Variants in ANKS1B observed in about 807,000 individuals in gnomAD.
ANKS1B encodes ankyrin repeat and sterile alpha motif domain-containing protein 1B.
A neutral mutation model predicts 148.3 loss-of-function variants in ANKS1B; 36 were observed. The observed-to-expected ratio is 0.24, with a 90% CI of 0.19 to 0.32. ANKS1B has a LOEUF of 0.32. Ranked by LOEUF, ANKS1B falls within the 10% of genes least tolerant of loss-of-function variation. ANKS1B has a pLI of 1.00. For missense variants in ANKS1B, 1,157 were observed against 1,542.6 expected, an observed-to-expected ratio of 0.75 and a Z score of 4.19; for synonymous variants, 542 against 560.8, an observed-to-expected ratio of 0.97 and a Z score of 0.47.
chr12:99,143,065 A>G (rs1218736222), intron 15 of ANKS1B, among the ~76,000 whole-genome samples: 1 of 152,150 alleles, frequency 6.6e-6, no homozygotes, highest in Non-Finnish European at 1.5e-5. Flanking sequence ...CTCAGATTTC[A>G]AGATCTCCCT....
chr12:98,752,384 G>C (rs1056875672), intron 25 of ANKS1B, among the ~76,000 whole-genome samples: 12 of 151,712 alleles, frequency 7.9e-5, no homozygotes, highest in African/African-American at 2.7e-4. Context: ...TCAGCCTCCC[G>C]AGTAGCTGGG....
intron 25 of ANKS1B, among the ~76,000 whole-genome samples, chr12:98,766,827 T>G (rs1331205510): frequency 6.6e-6 from 1 of 152,166 alleles, no homozygotes; most frequent in Non-Finnish European, 1.5e-5. Flanking sequence ...TCTTTCCTTT[T>G]TTTTTGAGAC....
At chr12:99,130,844 A>C (rs549071677) in intron 15 of ANKS1B, among the ~76,000 whole-genome samples, 91 of 152,254 alleles carry the variant, frequency 6.0e-4, no homozygotes, top group African/African-American at 2.0e-3. Flanking sequence ...TTGTGTCTTC[A>C]TGCCCCTTGG....
intron 1 of ANKS1B, among the ~76,000 whole-genome samples, chr12:99,864,398 G>C (rs1271598316): frequency 6.6e-6 from 1 of 152,102 alleles, no homozygotes; most frequent in Non-Finnish European, 1.5e-5. Flanking sequence ...TTTTCAAAAT[G>C]ATCTCACACA....
chr12:99,548,823 A>G (rs1436109614), intron 9 of ANKS1B, among the ~76,000 whole-genome samples: 1 of 152,196 alleles, frequency 6.6e-6, no homozygotes, highest in Non-Finnish European at 1.5e-5. Context: ...ACAGACATTC[A>G]GTCATTAGAA....
chr12:98,924,284 A>T (rs2099805193), intron 17 of ANKS1B, among the ~76,000 whole-genome samples: 1 of 152,204 alleles, frequency 6.6e-6, no homozygotes, highest in Non-Finnish European at 1.5e-5. Flanking sequence ...ATTACCAGAG[A>T]ATAGACTTCC....
chr12:99,808,422 A>C (rs1025936123), intron 3 of ANKS1B, among the ~76,000 whole-genome samples: 2 of 152,120 alleles, frequency 1.3e-5, no homozygotes, highest in African/African-American at 4.8e-5. Context: ...AGAGCATTTG[A>C]AGGTCAAACC....
At position 99,737,595 on chromosome 12, in the gene ANKS1B, C is replaced by T. The variant is rs181182634; in HGVS notation, c.1128+35327G>A. Among the ~76,000 whole-genome samples, 688 of 152,116 alleles carry T rather than the reference C, an allele frequency of 4.5e-3. 14 individuals are homozygous for T. Among genetic ancestry groups the T allele is most frequent in the Admixed American group, 0.039 (596 of 15,266 alleles). On this transcript the variant is annotated intron_variant, in intron 8 of 26. Transcript: ENST00000683438. ...TTATCCATTGCCTAGAGGATAAGGA[C>T]AAAATGTATTATTGGGAATAAAAGG...
intron 17 of ANKS1B, among the ~76,000 whole-genome samples, chr12:98,896,514 G>T (rs187728832): frequency 1.3e-5 from 2 of 152,256 alleles, no homozygotes; most frequent in East Asian, 3.9e-4. Flanking sequence ...AACTCTAAAT[G>T]CCCTCTGTTT....
chr12:99,917,813 C>T (rs1019327450), intron 1 of ANKS1B, among the ~76,000 whole-genome samples: 3 of 152,220 alleles, frequency 2.0e-5, no homozygotes, highest in African/African-American at 4.8e-5. Context: ...TCCTCTTAAA[C>T]AGAGGTCCCC....
Position 99,984,553 on chromosome 12 carries a change from A to T in ANKS1B, c.-316T>A. The T allele has an allele frequency of 3.8e-6, 1 of 264,410 alleles. No homozygotes were observed. Among genetic ancestry groups the T allele is most frequent in the East Asian group, 6.9e-5 (1 of 14,484 alleles). 16.4% of individuals were successfully genotyped at this position (264,410 alleles called of 1,614,324 possible). On this transcript the variant is annotated 5_prime_UTR_variant, in exon 1 of 27. Transcript: ENST00000683438. The stretch of plus-strand genomic sequence containing the variant: ...GCGGGTGCGGCGTGAGGGGGTGGGG[A>T]CTCGGGGGTGCTTTTGAGGAGCGGG...
intron 14 of ANKS1B, among the ~76,000 whole-genome samples, chr12:99,214,725 G>A (rs368511221): frequency 2.7e-3 from 406 of 152,282 alleles, no homozygotes; most frequent in South Asian, 4.8e-3. Flanking sequence ...CTAAAAATGT[G>A]GAAGACACTT....
chr12:99,980,028 A>T (rs2095676247), intron 1 of ANKS1B, among the ~76,000 whole-genome samples: 1 of 152,002 alleles, frequency 6.6e-6, no homozygotes, highest in Non-Finnish European at 1.5e-5. Context: ...GAAAAAAAAG[A>T]GTCAAAAAGA....
At chr12:99,946,248 A>T (rs1254876943) in intron 1 of ANKS1B, among the ~76,000 whole-genome samples, 1 of 152,148 alleles carries the variant, frequency 6.6e-6, no homozygotes, top group Non-Finnish European at 1.5e-5. Flanking sequence ...TTTTGCCCCA[A>T]TTCTCCATTC....
At position 98,925,580 on chromosome 12, in the gene ANKS1B, GA is replaced by G. The variant is rs1338031793; in HGVS notation, c.2779-93445del. Among the ~76,000 whole-genome samples, 5 of 152,294 alleles carry G rather than the reference GA, an allele frequency of 3.3e-5. No homozygotes were observed. In the East Asian group the frequency reaches 7.7e-4, roughly 24 times the overall value. On this transcript the variant is annotated intron_variant, in intron 17 of 26. Transcript: ENST00000683438. ...GCATTTACTTTTTTAAAAAATGGCT[GA>G]ATCCCAGTAAAAACAGTGAGCTTTG...
intron 1 of ANKS1B, among the ~76,000 whole-genome samples, chr12:99,862,992 A>G (rs1309485936): frequency 1.3e-5 from 2 of 152,168 alleles, no homozygotes; most frequent in Admixed American, 6.5e-5. Context: ...TGCTACAGCA[A>G]CTCTATCCCT....
At chr12:98,893,006 G>A (rs2099755838) in intron 17 of ANKS1B, among the ~76,000 whole-genome samples, 1 of 152,176 alleles carries the variant, frequency 6.6e-6, no homozygotes, top group Non-Finnish European at 1.5e-5. Flanking sequence ...CTTGAACAAG[G>A]AGCACTGATA....
At chr12:99,624,651 C>T (rs4445735) in intron 9 of ANKS1B, among the ~76,000 whole-genome samples, 11,417 of 152,068 alleles carry the variant, frequency 0.075, 671 homozygotes, top group East Asian at 0.23. Flanking sequence ...AACAAAAATG[C>T]TCAACATCAC....
intron 9 of ANKS1B, among the ~76,000 whole-genome samples, chr12:99,528,426 C>CAA (rs755022528): frequency 5.1e-5 from 6 of 117,030 alleles, no homozygotes; most frequent in East Asian, 2.9e-4. Flanking sequence ...AGAACAAAAA[C>CAA]AAAAACAAAA....
Sources: allele counts gnomAD v4.1 joint callset (sites outside exome capture counted in the v4.1 genomes callset), GRCh38; gene constraint gnomAD v4.1.1; transcripts MANE v1.5; gene names NCBI Gene and HGNC (gene_info 2026-07-23, HGNC 2026-07-21).